ADAMTS19: variants seen among roughly 807,000 people sequenced by gnomAD.
The protein encoded by ADAMTS19 is ADAM metallopeptidase with thrombospondin type 1 motif 19.
Under a neutral mutation model 153.3 loss-of-function variants are expected in ADAMTS19, and 93 were observed. The ratio of observed to expected loss-of-function variants is 0.61; its 90% CI spans 0.51 to 0.72. ADAMTS19 has a LOEUF of 0.72. Ranked by LOEUF, ADAMTS19 falls within the 30% of genes least tolerant of loss-of-function variation. The pLI is 0.00. For missense variants in ADAMTS19, 1,482 were observed against 1,552.1 expected, an observed-to-expected ratio of 0.95 and a Z score of 0.76; for synonymous variants, 600 against 556.6, an observed-to-expected ratio of 1.08 and a Z score of -1.10.
At position 129,684,158 on chromosome 5, in the gene ADAMTS19, T is replaced by C; in HGVS notation, c.2703T>C (p.Tyr901=). The C allele has an allele frequency of 6.2e-7, 1 of 1,614,150 alleles. No individual in the cohort carries two copies. The change falls in exon 18 of 23, where the codon TAT becomes TAC. Residue 901 remains tyrosine (Y), a synonymous_variant. Transcript: ENST00000274487. The part of the protein sequence containing the change: ...LFQDQNYGLH[Y]EYTIPSDPLP... ...AGGATCAGAATTATGGTCTTCACTA[T>C]GAATACACTATCCCATCAGACCCTC...
chr5:129,465,842 TAA>T (rs1326438820), intron 2 of ADAMTS19, among the ~76,000 whole-genome samples: 1 of 152,162 alleles, frequency 6.6e-6, no homozygotes, highest in Non-Finnish European at 1.5e-5. Context: ...TAAATAAATA[TAA>T]AGCAGTATTA....
chr5:129,477,183 TA>T (rs1580987818), intron 2 of ADAMTS19, among the ~76,000 whole-genome samples: 1 of 152,162 alleles, frequency 6.6e-6, no homozygotes, highest in East Asian at 1.9e-4. Context: ...CTTTAAGGGA[TA>T]AAATGATGAC....
chr5:129,475,283 C>T (rs1258737194), intron 2 of ADAMTS19, among the ~76,000 whole-genome samples: 2 of 152,064 alleles, frequency 1.3e-5, no homozygotes, highest in Non-Finnish European at 2.9e-5. Flanking sequence ...AAATTTTTCT[C>T]TTTGCATGTA....
At chr5:129,479,144 G>T (rs1750327201) in intron 2 of ADAMTS19, among the ~76,000 whole-genome samples, 1 of 152,118 alleles carries the variant, frequency 6.6e-6, no homozygotes, top group Admixed American at 6.5e-5. Context: ...AGCCGTATGT[G>T]TGTGTGGTGT....
chr5:129,589,317 A>C (rs1749979073), intron 7 of ADAMTS19, among the ~76,000 whole-genome samples: 1 of 151,140 alleles, frequency 6.6e-6, no homozygotes, highest in South Asian at 2.1e-4. Context: ...CACTTTTTTT[A>C]CTAGTTCCTT....
At chr5:129,643,367 CAA>C (rs556007087) in intron 11 of ADAMTS19, among the ~76,000 whole-genome samples, 3,219 of 40,232 alleles carry the variant, frequency 0.08, 50 homozygotes, top group African/African-American at 0.23. Flanking sequence ...GTTTCAAAGA[CAA>C]AAAAAAAAAA....
chr5:129,608,114 G>GTATATATATATATATATATATATATA (rs1235116462), intron 8 of ADAMTS19, among the ~76,000 whole-genome samples: 20 of 28,734 alleles, frequency 7.0e-4, no homozygotes, highest in African/African-American at 1.2e-3. Context: ...GTGTGTGTGT[G>GTATATATATATATATATATATATATA]TGTATATATA....
chr5:129,680,852 G>C (rs1234722554), intron 17 of ADAMTS19, among the ~76,000 whole-genome samples: 2 of 152,064 alleles, frequency 1.3e-5, no homozygotes, highest in Non-Finnish European at 2.9e-5. Context: ...GTCCAGGCTG[G>C]TGGCAGGTCC....
At chr5:129,572,984 G>A (rs2126867545) in intron 7 of ADAMTS19, among the ~76,000 whole-genome samples, 1 of 152,156 alleles carries the variant, frequency 6.6e-6, no homozygotes, top group Non-Finnish European at 1.5e-5. Flanking sequence ...TTTGCTTTTA[G>A]CATTACAACT....
chr5:129,512,719 ACT>A lies in ADAMTS19; in HGVS notation c.913+3484_913+3485del, dbSNP rs1357340980. On this transcript the variant is annotated intron_variant, in intron 3 of 22. Coordinates refer to ENST00000274487, the MANE Select transcript of ADAMTS19 (RefSeq NM_133638.6). ...ACACTGAGGGAAATATACTTTTCTA[ACT>A]CTCTCTTACCTGATCTATCTACCAC... Among the ~76,000 whole-genome samples, 36 of 151,860 alleles carry A rather than the reference ACT, an allele frequency of 2.4e-4. 1 individual carries two copies.
chr5:129,462,611 GTGTGT>G (rs1749716626), intron 2 of ADAMTS19, among the ~76,000 whole-genome samples: 8 of 149,522 alleles, frequency 5.4e-5, no homozygotes, highest in Non-Finnish European at 8.9e-5. Context: ...GTGTGTGTGT[GTGTGT>G]GGGGGGGTCA....
intron 11 of ADAMTS19, among the ~76,000 whole-genome samples, chr5:129,643,012 T>TA (rs890911262): frequency 2.0e-5 from 3 of 152,056 alleles, no homozygotes; most frequent in Non-Finnish European, 4.4e-5. Context: ...ATGTAGTTGT[T>TA]AAAAAATGAG....
intron 17 of ADAMTS19, among the ~76,000 whole-genome samples, chr5:129,682,133 T>C (rs940203630): frequency 2.0e-5 from 3 of 152,192 alleles, no homozygotes; most frequent in Non-Finnish European, 4.4e-5. Context: ...TTAATCTAAC[T>C]GGTAATTACC....
Position 129,503,974 on chromosome 5 carries a change from G to A in ADAMTS19, c.748-5103G>A, listed in dbSNP as rs144371297. On this transcript the variant is annotated intron_variant, in intron 2 of 22. Coordinates refer to ENST00000274487, the MANE Select transcript of ADAMTS19 (RefSeq NM_133638.6). ...ACAACCGAAACACTTCTGCTTCTTC[G>A]AGTGTCTCGCTAATTCTCGGATGTA... is the stretch of plus-strand genomic sequence containing the variant. Among the ~76,000 whole-genome samples, 62 of 152,198 alleles carry A rather than the reference G, an allele frequency of 4.1e-4. No individual in the cohort carries two copies. In the East Asian group the frequency reaches 0.01, roughly 25 times the overall value.
At chr5:129,649,059 T>A (rs1475454111) in intron 13 of ADAMTS19, 89 bp downstream of exon 13, 1 of 1,251,758 alleles carries the variant, frequency 8.0e-7, no homozygotes, top group East Asian at 2.4e-5. Flanking sequence ...TTTTACCTAT[T>A]ATCTTCAAAA....
At chr5:129,651,851 CTTT>C (rs1367809984) in intron 13 of ADAMTS19, among the ~76,000 whole-genome samples, 3 of 152,134 alleles carry the variant, frequency 2.0e-5, no homozygotes, top group African/African-American at 7.2e-5. Context: ...TAGCCAGTAA[CTTT>C]TTATTATAAA....
chr5:129,737,351 C>A lies in ADAMTS19; in HGVS notation c.*133C>A. ...TCAAATTAATTTATTTTTTTGCCTG[C>A]CAAACATCCAATGTGGTGCTTGTTT... On this transcript the variant is annotated 3_prime_UTR_variant, in exon 23 of 23. Transcript: ENST00000274487. 1 of 954,512 alleles carries A rather than the reference C, an allele frequency of 1.0e-6. No homozygotes were observed. Among genetic ancestry groups the A allele is most frequent in the Non-Finnish European group, 1.4e-6 (1 of 713,262 alleles). The allele number at this position is 954,512 out of a possible 1,614,324, so 59.1% of individuals were successfully genotyped here. A position where few individuals can be genotyped will look rare whatever the true frequency, so the allele number is the denominator to read the frequency against.
chr5:129,476,339 A>G (rs1220450150), intron 2 of ADAMTS19, among the ~76,000 whole-genome samples: 2 of 152,174 alleles, frequency 1.3e-5, no homozygotes, highest in Non-Finnish European at 2.9e-5. Context: ...ATAGGAAATC[A>G]CACAGATAGT....
chr5:129,520,002 G>T (rs1751741798), intron 3 of ADAMTS19, among the ~76,000 whole-genome samples: 1 of 152,020 alleles, frequency 6.6e-6, no homozygotes. Flanking sequence ...GAAGATTTCT[G>T]GATCCCATCC....
Sources: gnomAD v4.1 joint callset for allele counts (sites outside exome capture counted in the v4.1 genomes callset) on GRCh38, gnomAD v4.1.1 for gene constraint, MANE v1.5 for transcripts, NCBI Gene and HGNC (gene_info 2026-07-23, HGNC 2026-07-21) for gene names.